DIAPH2: variants seen among roughly 807,000 people sequenced by gnomAD.
The protein encoded by DIAPH2 is diaphanous related formin 2, also known as protein diaphanous homolog 2.
A neutral mutation model predicts 92.7 loss-of-function variants in DIAPH2; 35 were observed. The ratio of observed to expected loss-of-function variants is 0.38; its 90% CI spans 0.29 to 0.50. DIAPH2 has a LOEUF of 0.50. DIAPH2 is among the 20% of genes least tolerant of loss of function. DIAPH2 has a pLI of 0.94. For missense variants in DIAPH2, 701 were observed against 819.5 expected (o/e 0.86, Z 1.77); for synonymous variants, 301 against 280.4 (o/e 1.07, Z -0.73).
chrX:97,520,729 T>C (rs1381509058), intron 26 of DIAPH2, among the ~76,000 whole-genome samples: 1 of 112,212 alleles, frequency 8.9e-6, no homozygotes, highest in African/African-American at 3.2e-5. Flanking sequence ...GAGCATTAAA[T>C]TTAGCTCTGA....
intron 26 of DIAPH2, among the ~76,000 whole-genome samples, chrX:97,553,277 T>A (rs376588557): frequency 1.2e-5 from 1 of 81,764 alleles, no homozygotes; most frequent in Non-Finnish European, 2.6e-5. Flanking sequence ...CCCTAATTAA[T>A]TAAATATTCA....
intron 4 of DIAPH2, among the ~76,000 whole-genome samples, chrX:96,811,452 G>A (rs2064680086): frequency 8.9e-6 from 1 of 111,856 alleles, no homozygotes; most frequent in Non-Finnish European, 1.9e-5. Context: ...ATACAATCAT[G>A]TCATCTGCAA....
At chrX:96,979,975 T>C (rs1233902288) in intron 17 of DIAPH2, among the ~76,000 whole-genome samples, 3 of 110,568 alleles carry the variant, frequency 2.7e-5, no homozygotes, top group African/African-American at 9.9e-5. Context: ...TGCTTCTGAG[T>C]GTCAGCAGAA....
At chrX:97,546,713 G>A (rs931014100) in intron 26 of DIAPH2, among the ~76,000 whole-genome samples, 4 of 111,043 alleles carry the variant, frequency 3.6e-5, no homozygotes, top group South Asian at 3.9e-4. Context: ...GTGCATGCCT[G>A]TAATCCCAGC....
intron 3 of DIAPH2, among the ~76,000 whole-genome samples, chrX:96,748,190 T>C (rs760703420): frequency 8.9e-6 from 1 of 112,216 alleles, no homozygotes; most frequent in East Asian, 2.8e-4. Flanking sequence ...ATATTTCTTC[T>C]GTTTTGAAGG....
chrX:96,957,684 T>G, intron 15 of DIAPH2, 144 bp from the exon 16 acceptor site: 1 of 487,778 alleles, frequency 2.1e-6, no homozygotes, highest in East Asian at 3.8e-5. Flanking sequence ...TGCTAAATAT[T>G]TAGATATTTT....
At chrX:97,552,385 T>G (rs1275108472) in intron 26 of DIAPH2, among the ~76,000 whole-genome samples, 3 of 111,628 alleles carry the variant, frequency 2.7e-5, no homozygotes, top group African/African-American at 9.7e-5. Flanking sequence ...TAATACAGCT[T>G]CAATTAAGTA....
At chrX:97,518,971 A>G (rs1343712433) in intron 26 of DIAPH2, among the ~76,000 whole-genome samples, 2 of 111,935 alleles carry the variant, frequency 1.8e-5, no homozygotes, top group African/African-American at 6.5e-5. Flanking sequence ...TGGATTTAAA[A>G]TGGTTTTCCA....
At chrX:97,114,693 G>A (rs908374060) in intron 20 of DIAPH2, 33 bp from the exon 21 acceptor site, 33 of 1,155,597 alleles carry the variant, frequency 2.9e-5, no homozygotes, top group Non-Finnish European at 3.8e-5. Context: ...GGCATTAAAT[G>A]TATATTCTCA....
At position 97,376,667 on chromosome X, in the gene DIAPH2, A is replaced by C. The variant is rs1214351128; in HGVS notation, c.3010-7242A>C. On this transcript the variant is annotated intron_variant, in intron 24 of 26. Transcript: ENST00000324765. ...GTGATTCCTCATTAAATCGCAAACC[A>C]ACACTGTGAAGTACAGGTACAATCA... Among the ~76,000 whole-genome samples the C allele has an allele frequency of 2.7e-5, 3 of 112,348 alleles. No individual in the cohort carries two copies. The East Asian group carries it at 8.3e-4, about 31-fold the overall frequency.
chrX:96,791,504 C>T (rs930892060), intron 4 of DIAPH2, among the ~76,000 whole-genome samples: 2 of 104,621 alleles, frequency 1.9e-5, no homozygotes, highest in Non-Finnish European at 3.9e-5. Context: ...TGCCACTGTC[C>T]CCCAGCTTGG....
chrX:97,209,450 G>T (rs1245946583), intron 22 of DIAPH2, among the ~76,000 whole-genome samples: 1 of 111,288 alleles, frequency 9.0e-6, no homozygotes, highest in Non-Finnish European at 1.9e-5. Context: ...ATATAAAGTG[G>T]TAAGCTTTTT....
chrX:96,898,360 T>C (rs2065363236), intron 5 of DIAPH2, among the ~76,000 whole-genome samples: 1 of 100,942 alleles, frequency 9.9e-6, no homozygotes, highest in Non-Finnish European at 2.0e-5. Context: ...AAAGTGTTCC[T>C]ATTTCTCCAC....
intron 26 of DIAPH2, among the ~76,000 whole-genome samples, chrX:97,524,950 T>A (rs771731120): frequency 6.6e-4 from 74 of 112,338 alleles, no homozygotes; most frequent in Admixed American, 1.6e-3. Context: ...CAATTCTACC[T>A]AGATGTTCAA....
chrX:96,795,491 AT>A (rs1315038690), intron 4 of DIAPH2, among the ~76,000 whole-genome samples: 2 of 111,558 alleles, frequency 1.8e-5, no homozygotes, highest in Admixed American at 9.5e-5. Context: ...CAAGTCTCCT[AT>A]TTTTTTAAAA....
At chrX:97,188,887 G>A (rs891088852) in intron 22 of DIAPH2, among the ~76,000 whole-genome samples, 1 of 112,308 alleles carries the variant, frequency 8.9e-6, no homozygotes, top group South Asian at 3.7e-4. Context: ...TAAAATGTTT[G>A]TGGCTTTTGC....
Position 97,348,381 on chromosome X carries a change from A to T in DIAPH2, c.3009+101A>T, listed in dbSNP as rs1602526003. Reference sequence around the variant, plus strand: ...TGTTCCTATTGACTATATTGATTTCATGTGACATTTTTTTAATAAGAATTG... The same window carrying T: ...TGTTCCTATTGACTATATTGATTTCTTGTGACATTTTTTTAATAAGAATTG... On this transcript the variant is annotated intron_variant, in intron 24 of 26. Coordinates refer to ENST00000324765, the MANE Select transcript of DIAPH2 (RefSeq NM_006729.5). The T allele has an allele frequency of 4.0e-6, 3 of 749,876 alleles. No individual in the cohort carries two copies. In the East Asian group the frequency reaches 1.0e-4, roughly 26 times the overall value. 61.8% of individuals were successfully genotyped at this position (749,876 alleles called of 1,213,427 possible).
chrX:96,758,730 G>A (rs957022961), intron 4 of DIAPH2, among the ~76,000 whole-genome samples: 4 of 111,518 alleles, frequency 3.6e-5, no homozygotes, highest in African/African-American at 1.3e-4. Flanking sequence ...TTTATATGAT[G>A]CAAACTAAGC....
chrX:97,432,636 G>A (rs1003148267), intron 26 of DIAPH2, among the ~76,000 whole-genome samples: 1 of 111,396 alleles, frequency 9.0e-6, no homozygotes, highest in African/African-American at 3.3e-5. Flanking sequence ...ACAGGTGCCC[G>A]CCACCACGTC....
Sources: gnomAD v4.1 joint callset for allele counts (sites outside exome capture counted in the v4.1 genomes callset) on GRCh38, gnomAD v4.1.1 for gene constraint, MANE v1.5 for transcripts, NCBI Gene and HGNC (gene_info 2026-07-23, HGNC 2026-07-21) for gene names.